The following CHD2 variants were observed in gnomAD, a reference collection of about 807,000 sequenced individuals.
CHD2 encodes ATP-dependent chromatin remodeler CHD2.
Under a neutral mutation model 243.9 loss-of-function variants are expected in CHD2, and 28 were observed. That is an observed-to-expected ratio of 0.11 (90% confidence interval 0.09 to 0.16). CHD2 has a LOEUF of 0.16. Ranked by LOEUF, CHD2 falls within the 10% of genes least tolerant of loss-of-function variation. The pLI is 1.00. For synonymous variants in CHD2, 775 were observed against 779.0 expected (o/e 0.99, Z 0.09); for missense variants, 1,386 against 2,209.8 (o/e 0.63, Z 7.47).
intron 34 of CHD2, 137 bp from the exon 35 acceptor site, chr15:93,009,008 A>C (rs2054357508): frequency 6.4e-6 from 6 of 934,102 alleles, no homozygotes. Flanking sequence ...ACTCCACTGC[A>C]CTAGCTTTAC....
chr15:93,005,594 C>T (rs2054310364), intron 34 of CHD2, among the ~76,000 whole-genome samples: 1 of 152,154 alleles, frequency 6.6e-6, no homozygotes, highest in South Asian at 2.1e-4. Context: ...CAGCAAAGGA[C>T]CCTGTTGACC....
intron 16 of CHD2, among the ~76,000 whole-genome samples, chr15:92,959,497 T>C (rs2053657992): frequency 6.6e-6 from 1 of 152,180 alleles, no homozygotes; most frequent in Non-Finnish European, 1.5e-5. Context: ...TTTTTTATTT[T>C]TTATTTTTTT....
At chr15:92,908,698 G>T (rs527560796) in intron 2 of CHD2, among the ~76,000 whole-genome samples, 1 of 152,170 alleles carries the variant, frequency 6.6e-6, no homozygotes, top group African/African-American at 2.4e-5. Flanking sequence ...AGTCTTAATA[G>T]CTGCTTGAGT....
At chr15:93,005,159 C>G (rs1402701095) in intron 34 of CHD2, among the ~76,000 whole-genome samples, 1 of 152,150 alleles carries the variant, frequency 6.6e-6, no homozygotes, top group African/African-American at 2.4e-5. Flanking sequence ...GATAACTACA[C>G]AAATCATGTT....
chr15:92,931,281 C>G (rs1289402175), intron 5 of CHD2, among the ~76,000 whole-genome samples: 2 of 152,090 alleles, frequency 1.3e-5, no homozygotes. Context: ...AAAATTAATT[C>G]CAAACTTTAG....
chr15:92,963,033 T>G (rs1034286894), intron 16 of CHD2, among the ~76,000 whole-genome samples: 5 of 152,230 alleles, frequency 3.3e-5, no homozygotes, highest in African/African-American at 1.2e-4. Flanking sequence ...GGTATACTGT[T>G]TTCCATCATT....
chr15:92,924,688 A>G (rs2053024084), intron 3 of CHD2, 136 bp downstream of exon 3: 2 of 667,536 alleles, frequency 3.0e-6, no homozygotes, highest in Non-Finnish European at 5.2e-6. Flanking sequence ...ATACAGTAGT[A>G]TATCTGAGGA....
At chr15:92,952,092 C>T (rs2053561486) in intron 13 of CHD2, among the ~76,000 whole-genome samples, 4 of 152,160 alleles carry the variant, frequency 2.6e-5, no homozygotes, top group Admixed American at 2.6e-4. Context: ...ACATGTAATC[C>T]TAATTTCCTG....
Position 93,024,777 on chromosome 15 carries a change from C to A in CHD2, c.*72C>A. ...ATTTTTGGTCTGATCCTACAGTAGC[C>A]GGTTATCTAGACCAGTAAGTGGAGT... On this transcript the variant is annotated 3_prime_UTR_variant, in exon 39 of 39. Transcript: ENST00000394196. 7.6e-7 allele frequency: 1 copy of A among 1,312,688 alleles called. No individual in the cohort carries two copies. Among genetic ancestry groups the A allele is most frequent in the Non-Finnish European group, 1.1e-6 (1 of 950,908 alleles). 81.3% of individuals were successfully genotyped at this position (1,312,688 alleles called of 1,614,324 possible). A position where few individuals can be genotyped will look rare whatever the true frequency, so the allele number is the denominator to read the frequency against.
At chr15:92,952,019 G>A (rs934305004) in intron 13 of CHD2, among the ~76,000 whole-genome samples, 2 of 152,038 alleles carry the variant, frequency 1.3e-5, no homozygotes, top group Admixed American at 6.5e-5. Flanking sequence ...TTATATATAC[G>A]TGCAAACTTT....
At chr15:92,982,296 A>G (rs1228025986) in intron 24 of CHD2, among the ~76,000 whole-genome samples, 1 of 152,212 alleles carries the variant, frequency 6.6e-6, no homozygotes, top group East Asian at 1.9e-4. Flanking sequence ...CTTAATGACT[A>G]GTAAAGTAAG....
chr15:92,998,472 GGT>G lies in CHD2; in HGVS notation c.3886-25_3886-24del. The G allele has an allele frequency of 6.2e-7, 1 of 1,612,900 alleles. No homozygotes were observed. The highest frequency in any genetic ancestry group is 1.3e-5 in the African/African-American group (1 of 74,956). On this transcript the variant is annotated intron_variant, in intron 30 of 38. Transcript: ENST00000394196. This position sits in a 1 kb window ranked among gnomAD's most constrained non-coding sequence, Gnocchi z 5.1. ...ACTAACCAGGATGTGGGTGGTGGCGGGTGCTTCTCTTCCTTTCTTGTTGAAGA... is the reference window on the plus strand; with the variant it reads ...ACTAACCAGGATGTGGGTGGTGGCGGGCTTCTCTTCCTTTCTTGTTGAAGA...
intron 22 of CHD2, among the ~76,000 whole-genome samples, chr15:92,980,357 G>T (rs1011583534): frequency 8.4e-4 from 128 of 151,676 alleles, no homozygotes; most frequent in Non-Finnish European, 1.6e-4. Context: ...CATTGTGCCC[G>T]CTGCAGCTAT....
chr15:92,906,778 G>T (rs2052631025), intron 2 of CHD2, among the ~76,000 whole-genome samples: 1 of 149,940 alleles, frequency 6.7e-6, no homozygotes, highest in Admixed American at 6.7e-5. Context: ...CTTGAACAAA[G>T]AAACTTAAAA....
intron 9 of CHD2, 192 bp from the exon 10 acceptor site, chr15:92,944,223 T>G: frequency 2.3e-6 from 1 of 430,010 alleles, no homozygotes; most frequent in Non-Finnish European, 4.3e-6. Flanking sequence ...TTTTCAGTGT[T>G]CTCTAAAAGT....
At chr15:93,010,409 AATT>A (rs1171826174) in intron 35 of CHD2, among the ~76,000 whole-genome samples, 14 of 108,020 alleles carry the variant, frequency 1.3e-4, no homozygotes, top group South Asian at 1.1e-3. Flanking sequence ...CATGACTGGA[AATT>A]TTTTTTTTTT....
intron 16 of CHD2, among the ~76,000 whole-genome samples, chr15:92,958,597 A>T (rs1282915147): frequency 1.3e-5 from 2 of 152,204 alleles, no homozygotes; most frequent in African/African-American, 4.8e-5. Flanking sequence ...TATGAGTTGA[A>T]GAGGTTTTTT....
At chr15:92,919,970 T>A (rs913865087) in intron 2 of CHD2, among the ~76,000 whole-genome samples, 2 of 152,198 alleles carry the variant, frequency 1.3e-5, no homozygotes, top group Non-Finnish European at 2.9e-5. Flanking sequence ...GTGAACTTGG[T>A]GTTAATCTTT....
Position 93,027,703 on chromosome 15 carries a change from CT to C in CHD2, c.*2999del, listed in dbSNP as rs1182651104. The C allele has an allele frequency of 6.5e-6, 1 of 152,732 alleles. No individual in the cohort carries two copies. The highest frequency in any genetic ancestry group is 2.4e-5 in the African/African-American group (1 of 41,460). 9.5% of individuals were successfully genotyped at this position (152,732 alleles called of 1,614,324 possible). On this transcript the variant is annotated 3_prime_UTR_variant, in exon 39 of 39. Transcript: ENST00000394196. ...CAGCACCAGCGGTCTTCCGGCTCCT[CT>C]GAGGGCTGCCACGTTGGGCGAGGGG...
Sources: allele counts gnomAD v4.1 joint callset (sites outside exome capture counted in the v4.1 genomes callset), GRCh38; gene constraint gnomAD v4.1.1; non-coding constraint Gnocchi (gnomAD v3.1); transcripts MANE v1.5; gene names NCBI Gene and HGNC (gene_info 2026-07-23, HGNC 2026-07-21).